Variants in CDKL4 observed in about 807,000 individuals in gnomAD.
CDKL4 encodes cyclin dependent kinase like 4.
CDKL4 carries 44 observed loss-of-function variants against 42.0 expected under a neutral mutation model. The observed-to-expected ratio is 1.05, with a 90% confidence interval of 0.82 to 1.35. CDKL4 has a LOEUF of 1.35. CDKL4 is among the 40% of genes most tolerant of loss of function. CDKL4 has a pLI of 0.00. For missense variants in CDKL4, 393 were observed against 369.9 expected, an observed-to-expected ratio of 1.06 and a Z score of -0.51; for synonymous variants, 120 against 121.6, an observed-to-expected ratio of 0.99 and a Z score of 0.09.
chr2:39,172,556 G>T (rs1465344582), downstream of CDKL4, among the ~76,000 whole-genome samples: 1 of 152,158 alleles, frequency 6.6e-6, no homozygotes, highest in Non-Finnish European at 1.5e-5. Flanking sequence ...AATTAAACAG[G>T]CATATGGCAT....
intron 3 of CDKL4, among the ~76,000 whole-genome samples, chr2:39,225,598 C>T (rs975657160): frequency 3.3e-5 from 5 of 152,154 alleles, no homozygotes; most frequent in Admixed American, 2.0e-4. Flanking sequence ...TAATCCAATA[C>T]ATAATTTAGC....
chr2:39,178,476 T>C (rs1294707315), intron 9 of CDKL4: 3 of 1,226,684 alleles, frequency 2.4e-6, no homozygotes, highest in Admixed American at 4.3e-5. Context: ...CTGTGTCAGA[T>C]ACTGTTTTAG....
chr2:39,221,000 T>G (rs1678309768), intron 3 of CDKL4, among the ~76,000 whole-genome samples: 1 of 46,534 alleles, frequency 2.1e-5, no homozygotes, highest in African/African-American at 6.0e-5. Flanking sequence ...TTTTTTTTTT[T>G]GTTTTTTTTT....
At chr2:39,232,950 C>T (rs1679155829) in intron 1 of CDKL4, among the ~76,000 whole-genome samples, 1 of 138,954 alleles carries the variant, frequency 7.2e-6, no homozygotes, top group African/African-American at 2.7e-5. Context: ...GAGGCTGAGA[C>T]AAGAGAATTG....
intron 3 of CDKL4, among the ~76,000 whole-genome samples, chr2:39,221,999 C>G (rs1558576901): frequency 6.6e-6 from 1 of 152,186 alleles, no homozygotes; most frequent in Non-Finnish European, 1.5e-5. Flanking sequence ...GAGGGCAGGA[C>G]TGTATCATTA....
intron 7 of CDKL4, 68 bp from the exon 8 acceptor site, chr2:39,184,715 CGTAT>C (rs1334320213): frequency 3.0e-6 from 3 of 992,202 alleles, no homozygotes; most frequent in African/African-American, 3.2e-5. Flanking sequence ...TATATATGTG[CGTAT>C]GTATGTGTGT....
chr2:39,174,597 G>C (rs1343763404), downstream of CDKL4, among the ~76,000 whole-genome samples: 2 of 152,114 alleles, frequency 1.3e-5, no homozygotes, highest in Non-Finnish European at 1.5e-5. Context: ...CTTGGTGCTG[G>C]ACATAGAAAA....
At chr2:39,190,317 T>G (rs1256694868) in exon 6 of CDKL4, 1 of 1,614,026 alleles carries the variant, frequency 6.2e-7, no homozygotes, top group Non-Finnish European at 8.5e-7. Context: ...AGTGTTCTGA[T>G]TATCAGATAA....
intron 8 of CDKL4, among the ~76,000 whole-genome samples, chr2:39,180,704 T>C (rs996037007): frequency 1.3e-5 from 2 of 151,344 alleles, no homozygotes; most frequent in Non-Finnish European, 2.9e-5. Flanking sequence ...TTTTTTTTTT[T>C]TTTTGAGACA....
intron 1 of CDKL4, among the ~76,000 whole-genome samples, chr2:39,233,683 A>G (rs748147556): frequency 4.6e-5 from 7 of 151,936 alleles, no homozygotes; most frequent in Non-Finnish European, 1.0e-4. Flanking sequence ...TGTCAGAAAA[A>G]AGAAATGAGA....
intron 9 of CDKL4, chr2:39,178,949 G>A (rs1675283884): frequency 1.4e-6 from 2 of 1,443,174 alleles, no homozygotes; most frequent in South Asian, 3.1e-5. Flanking sequence ...CAGCCAAAGA[G>A]TTGCGTAACG....
At chr2:39,242,586 G>C (rs116749806) in intron 1 of CDKL4, among the ~76,000 whole-genome samples, 3,382 of 152,188 alleles carry the variant, frequency 0.022, 45 homozygotes, top group Middle Eastern at 0.027. Flanking sequence ...TCAAGGGTTT[G>C]CAAAATGATG....
intron 8 of CDKL4, among the ~76,000 whole-genome samples, chr2:39,183,139 G>A (rs1432713677): frequency 6.6e-6 from 1 of 152,136 alleles, no homozygotes; most frequent in Non-Finnish European, 1.5e-5. Flanking sequence ...AATTAGTCTG[G>A]TGTGGTGGCG....
At chr2:39,245,575 G>A (rs1388773635), upstream of CDKL4, among the ~76,000 whole-genome samples, 1 of 152,196 alleles carries the variant, frequency 6.6e-6, no homozygotes, top group Non-Finnish European at 1.5e-5. Context: ...GGCTGTGAAC[G>A]GAGCAAAAGT....
chr2:39,213,335 G>A, intron 4 of CDKL4, 65 bp downstream of exon 4: 1 of 1,079,292 alleles, frequency 9.3e-7, no homozygotes, highest in Non-Finnish European at 1.4e-6. Context: ...ACAAAACCCT[G>A]AGCTATTTAG....
At chr2:39,224,991 T>G (rs1678609072) in intron 3 of CDKL4, among the ~76,000 whole-genome samples, 2 of 152,226 alleles carry the variant, frequency 1.3e-5, no homozygotes, top group Non-Finnish European at 2.9e-5. Context: ...TATGTTTTGT[T>G]TTTCTTATTA....
intron 8 of CDKL4, among the ~76,000 whole-genome samples, chr2:39,181,277 A>G (rs1442552680): frequency 1.3e-5 from 2 of 152,086 alleles, no homozygotes; most frequent in Non-Finnish European, 2.9e-5. Flanking sequence ...TTGCTAGTTT[A>G]TCTTCTTCTC....
At chr2:39,171,753 A>C (rs1675005173), downstream of CDKL4, among the ~76,000 whole-genome samples, 1 of 152,234 alleles carries the variant, frequency 6.6e-6, no homozygotes, top group Non-Finnish European at 1.5e-5. Flanking sequence ...GTGTGTGGAA[A>C]GTCTGAGGAA....
At position 39,223,747 on chromosome 2, in the gene CDKL4, G is replaced by T. The variant is rs567126181; in HGVS notation, c.290+2092C>A. On this transcript the variant is annotated intron_variant, in intron 3 of 9. Coordinates refer to ENST00000451199, the Ensembl canonical transcript of CDKL4. ...CCTACCTCAGCCTCCCAACTAGCTGGGACAACAGGCTAGGTTAATTTTTGT... is the reference window on the plus strand; with the variant it reads ...CCTACCTCAGCCTCCCAACTAGCTGTGACAACAGGCTAGGTTAATTTTTGT... 9.3e-4 allele frequency among the ~76,000 whole-genome samples: 142 copies of T among 152,022 alleles called. 1 individual carries two copies. Among genetic ancestry groups the T allele is most frequent in the African/African-American group, 3.1e-3 (127 of 41,478 alleles).
Sources: gnomAD v4.1 joint callset for allele counts (sites outside exome capture counted in the v4.1 genomes callset) on GRCh38, gnomAD v4.1.1 for gene constraint, MANE v1.5 for transcripts, NCBI Gene and HGNC (gene_info 2026-07-23, HGNC 2026-07-21) for gene names.